The following KDM2B variants were observed in gnomAD, a reference collection of about 807,000 sequenced individuals.
KDM2B encodes the protein lysine demethylase 2B.
A neutral mutation model predicts 150.0 loss-of-function variants in KDM2B; 26 were observed. The observed-to-expected ratio is 0.17, with a 90% confidence interval of 0.13 to 0.24. The LOEUF (loss-of-function observed/expected upper bound fraction) is 0.24. KDM2B is among the 10% of genes least tolerant of loss of function. The pLI is 1.00. For missense variants in KDM2B, 1,265 were observed against 1,816.9 expected, an observed-to-expected ratio of 0.70 and a Z score of 5.52; for synonymous variants, 734 against 729.5, an observed-to-expected ratio of 1.01 and a Z score of -0.10.
chr12:121,492,968 T>C (rs991057719), intron 12 of KDM2B, among the ~76,000 whole-genome samples: 3 of 150,632 alleles, frequency 2.0e-5, no homozygotes, highest in Non-Finnish European at 4.4e-5. Context: ...CAATCACAGC[T>C]CACTGCAGCC....
chr12:121,512,101 C>CA lies in KDM2B; in HGVS notation c.1174+1174dup, dbSNP rs148018378. ...GACTGCAGACACTCAGAAAGCCTCT[C>CA]ACTCTCCCCAGCCTCTGTCTCCGGG... On this transcript the variant is annotated intron_variant, in intron 10 of 22. Coordinates refer to ENST00000377071, the MANE Select transcript of KDM2B (RefSeq NM_032590.5). 8.5e-3 allele frequency among the ~76,000 whole-genome samples: 1,295 copies of CA among 152,296 alleles called. 19 individuals are homozygous for CA. Among genetic ancestry groups the CA allele is most frequent in the African/African-American group, 0.029 (1,217 of 41,554 alleles).
intron 12 of KDM2B, among the ~76,000 whole-genome samples, chr12:121,474,801 C>T (rs2139776448): frequency 6.6e-6 from 1 of 152,006 alleles, no homozygotes; most frequent in East Asian, 1.9e-4. Context: ...AAAATACAAA[C>T]ATTAGCTGGG....
At chr12:121,455,745 C>T (rs78165311) in intron 12 of KDM2B, among the ~76,000 whole-genome samples, 5,971 of 152,228 alleles carry the variant, frequency 0.039, 376 homozygotes, top group African/African-American at 0.14. Context: ...CAATGAGGGC[C>T]GGATGCCCCC....
chr12:121,493,229 A>C (rs1477266155), intron 12 of KDM2B, among the ~76,000 whole-genome samples: 1 of 151,174 alleles, frequency 6.6e-6, no homozygotes, highest in Admixed American at 6.6e-5. Context: ...TACAATAGCC[A>C]AAAAAAACCC....
intron 4 of KDM2B, among the ~76,000 whole-genome samples, chr12:121,553,337 T>C (rs1555312141): frequency 6.6e-6 from 1 of 151,988 alleles, no homozygotes; most frequent in Non-Finnish European, 1.5e-5. Context: ...CAAGGTCATG[T>C]CTGCAAAGCT....
intron 8 of KDM2B, among the ~76,000 whole-genome samples, chr12:121,527,517 G>A (rs1342392713): frequency 6.6e-6 from 1 of 150,798 alleles, no homozygotes; most frequent in Non-Finnish European, 1.5e-5. Flanking sequence ...AGCCGGGCAT[G>A]GTGGCAGGCG....
rs527375536 is a variant in KDM2B at position 121,452,505 on chromosome 12, C to T, written c.1959+615G>A. ...GAGATGACTCCTCCACAGGGAGGAC[C>T]GCCGGCCCCCGGGGAGCAGCGCCCT... is the stretch of plus-strand genomic sequence containing the variant. On this transcript the variant is annotated intron_variant, in intron 13 of 22. Coordinates refer to ENST00000377071, the MANE Select transcript of KDM2B (RefSeq NM_032590.5). The surrounding 1 kb of genome is among the most constrained non-coding windows in gnomAD (Gnocchi z 4.4). 3.3e-5 allele frequency among the ~76,000 whole-genome samples: 5 copies of T among 152,324 alleles called. No homozygotes were observed. The highest frequency in any genetic ancestry group is 1.2e-4 in the African/African-American group (5 of 41,572).
chr12:121,487,414 T>C (rs1408050090), intron 12 of KDM2B, among the ~76,000 whole-genome samples: 1 of 152,044 alleles, frequency 6.6e-6, no homozygotes, highest in Non-Finnish European at 1.5e-5. Context: ...GAGGCCCAGG[T>C]TTCTCTTCGC....
intron 12 of KDM2B, among the ~76,000 whole-genome samples, chr12:121,472,031 G>A (rs1266122622): frequency 1.3e-5 from 2 of 152,128 alleles, no homozygotes; most frequent in African/African-American, 2.4e-5. Context: ...GCTGGGGCAG[G>A]AGAATCGCTT....
At chr12:121,427,531 C>CTCTG (rs1872567462), downstream of KDM2B, among the ~76,000 whole-genome samples, 1 of 152,166 alleles carries the variant, frequency 6.6e-6, no homozygotes, top group Non-Finnish European at 1.5e-5. Flanking sequence ...AAGAGCGAGA[C>CTCTG]TCTGTCTCAA....
intron 8 of KDM2B, among the ~76,000 whole-genome samples, chr12:121,523,448 C>G (rs76215871): frequency 6.6e-6 from 1 of 152,208 alleles, no homozygotes; most frequent in Non-Finnish European, 1.5e-5. Flanking sequence ...GTCCCCTCCT[C>G]TCCCAGCCAT....
intron 4 of KDM2B, among the ~76,000 whole-genome samples, chr12:121,558,772 G>A (rs970670671): frequency 3.9e-5 from 6 of 151,902 alleles, no homozygotes; most frequent in Non-Finnish European, 8.8e-5. Context: ...TGTATTTTTA[G>A]TAGAGATGGG....
At chr12:121,425,050 G>A (rs1872445296), downstream of KDM2B, among the ~76,000 whole-genome samples, 1 of 152,132 alleles carries the variant, frequency 6.6e-6, no homozygotes, top group African/African-American at 2.4e-5. Context: ...GGTGGCTCAT[G>A]CCTGTAATCC....
At position 121,510,530 on chromosome 12, in the gene KDM2B, C is replaced by T. The variant is rs115165253; in HGVS notation, c.1175-491G>A. ...AGTCGAGGCTGGGTGCAGTGGCTCACGCCTATAATCCCTACACTTTGAGGG... is the reference window on the plus strand; with the variant it reads ...AGTCGAGGCTGGGTGCAGTGGCTCATGCCTATAATCCCTACACTTTGAGGG... On this transcript the variant is annotated intron_variant, in intron 10 of 22. Coordinates refer to ENST00000377071, the MANE Select transcript of KDM2B (RefSeq NM_032590.5). Among the ~76,000 whole-genome samples the T allele has an allele frequency of 3.0e-3, 455 of 152,210 alleles. 5 individuals carry two copies. The highest frequency in any genetic ancestry group is 0.01 in the African/African-American group (435 of 41,512).
At chr12:121,526,163 C>T (rs1214814411) in intron 8 of KDM2B, among the ~76,000 whole-genome samples, 1 of 152,036 alleles carries the variant, frequency 6.6e-6, no homozygotes, top group Non-Finnish European at 1.5e-5. Context: ...ACCAGCCTGG[C>T]CAACATGATG....
At chr12:121,434,856 C>A (rs1356427853) in intron 22 of KDM2B, among the ~76,000 whole-genome samples, 1 of 152,180 alleles carries the variant, frequency 6.6e-6, no homozygotes, top group Non-Finnish European at 1.5e-5. Context: ...ACTTGGGAGA[C>A]TGAGGCATGA....
chr12:121,535,952 C>A (rs781888523), intron 6 of KDM2B: 15 of 675,600 alleles, frequency 2.2e-5, no homozygotes, highest in Non-Finnish European at 2.7e-5. Flanking sequence ...GATGGGCAGC[C>A]TCCCCACCGC....
At chr12:121,574,502 C>T in intron 4 of KDM2B, 45 bp downstream of exon 4, 1 of 1,596,808 alleles carries the variant, frequency 6.3e-7, no homozygotes. Flanking sequence ...CTTTCCCCTT[C>T]CCTACTTCAG....
At chr12:121,556,468 G>A (rs1555312744) in intron 4 of KDM2B, among the ~76,000 whole-genome samples, 1 of 152,108 alleles carries the variant, frequency 6.6e-6, no homozygotes, top group Non-Finnish European at 1.5e-5. Flanking sequence ...ATGACTGGAA[G>A]CTTCCTGAAG....
Sources: gnomAD v4.1 joint callset for allele counts (sites outside exome capture counted in the v4.1 genomes callset) on GRCh38, gnomAD v4.1.1 for gene constraint, Gnocchi (gnomAD v3.1) non-coding constraint, MANE v1.5 for transcripts, NCBI Gene and HGNC (gene_info 2026-07-23, HGNC 2026-07-21) for gene names.